DLG3: variants seen among roughly 807,000 people sequenced by gnomAD.
DLG3 encodes the protein discs large MAGUK scaffold protein 3, also known as disks large homolog 3.
In DLG3, 1 loss-of-function variant was observed where a neutral mutation model predicts 64.1. The observed-to-expected ratio is 0.02, with a 90% CI of 0.01 to 0.07. The LOEUF is 0.07. DLG3 is among the 10% of genes least tolerant of loss of function. DLG3 has a pLI of 1.00. For synonymous variants in DLG3, 245 were observed against 259.8 expected (o/e 0.94, Z 0.55); for missense variants, 429 against 669.5 (o/e 0.64, Z 3.96).
In DLG3 at chrX:70,502,421, G is replaced by GT; in HGVS notation, c.*154dup. On this transcript the variant is annotated 3_prime_UTR_variant, in exon 19 of 19. Coordinates refer to ENST00000374360, the MANE Select transcript of DLG3 (RefSeq NM_021120.4). ...AAAAAAAATTAAGTTTTCTAGTCCTGTTCTTTTTTTTTTTTTAAGTTTTTG... is the reference window on the plus strand; with the variant it reads ...AAAAAAAATTAAGTTTTCTAGTCCTGTTTCTTTTTTTTTTTTTAAGTTTTTG... 2 of 418,145 alleles carry GT rather than the reference G, an allele frequency of 4.8e-6. No homozygotes were observed. The highest frequency in any genetic ancestry group is 4.1e-6 in the Non-Finnish European group (1 of 244,648). The allele number at this position is 418,145 out of a possible 1,213,427, so 34.5% of individuals were successfully genotyped here. A position where few individuals can be genotyped will look rare whatever the true frequency, so the allele number is the denominator to read the frequency against.
intron 18 of DLG3, 131 bp downstream of exon 18, chrX:70,501,120 A>T: frequency 1.9e-6 from 1 of 529,983 alleles, no homozygotes; most frequent in Admixed American, 3.2e-5. Flanking sequence ...TAAGTTTTTG[A>T]GCACAAACCT....
At chrX:70,492,438 A>G (rs2087374807) in intron 11 of DLG3, 83 bp from the exon 12 acceptor site, 7 of 1,134,021 alleles carry the variant, frequency 6.2e-6, no homozygotes, top group Non-Finnish European at 8.4e-6. Flanking sequence ...AGTGAGCCAA[A>G]AAAATGGCTG....
chrX:70,501,345 C>T (rs764373852), intron 18 of DLG3, among the ~76,000 whole-genome samples: 8 of 108,557 alleles, frequency 7.4e-5, no homozygotes, highest in South Asian at 4.2e-4. Flanking sequence ...GCTGAATAAA[C>T]GTTTGTTGAT....
rs1602867000 is a variant in DLG3 at position 70,449,967 on chromosome X, C to T, written c.703+108C>T. The stretch of plus-strand genomic sequence containing the variant: ...TGGCCTTACTCCTTGCCTGACTCCC[C>T]CTGTTCCAACTCACAGCCTACTTTT... On this transcript the variant is annotated intron_variant, in intron 4 of 18. Coordinates refer to ENST00000374360, the MANE Select transcript of DLG3 (RefSeq NM_021120.4). 7.8e-6 allele frequency: 8 copies of T among 1,022,926 alleles called. No homozygotes were observed. In the East Asian group the frequency reaches 2.7e-4, roughly 34 times the overall value. 84.3% of individuals were successfully genotyped at this position (1,022,926 alleles called of 1,213,427 possible).
intron 12 of DLG3, among the ~76,000 whole-genome samples, chrX:70,494,626 C>G (rs1374695554): frequency 8.9e-6 from 1 of 112,116 alleles, no homozygotes; most frequent in Non-Finnish European, 1.9e-5. Context: ...AGTCAGAGGC[C>G]TGAGGTGATG....
intron 5 of DLG3, 62 bp from the exon 6 acceptor site, chrX:70,450,577 C>A: frequency 8.4e-7 from 1 of 1,184,447 alleles, no homozygotes; most frequent in Non-Finnish European, 1.1e-6. Context: ...AGGCATCCCT[C>A]GAGTTCCCTG....
In DLG3 at chrX:70,459,930, C is replaced by T. The variant is rs917968917; in HGVS notation, c.1405+5614C>T. On this transcript the variant is annotated intron_variant, in intron 9 of 18. Coordinates refer to ENST00000374360, the MANE Select transcript of DLG3 (RefSeq NM_021120.4). ...CTCCCTACCCAGAGACATCTGGCTA[C>T]AGCAGAAGATATCACTCTGAGACTC... Among the ~76,000 whole-genome samples, 36 of 111,166 alleles carry T rather than the reference C, an allele frequency of 3.2e-4. 1 individual carries two copies. Among genetic ancestry groups the T allele is most frequent in the Admixed American group, 1.9e-4 (2 of 10,390 alleles).
chrX:70,476,254 A>G (rs934741730), intron 9 of DLG3, among the ~76,000 whole-genome samples: 3 of 112,155 alleles, frequency 2.7e-5, no homozygotes, highest in Non-Finnish European at 3.8e-5. Context: ...GGGAAAAAAC[A>G]AAGCAGTTTA....
intron 11 of DLG3, 44 bp from the exon 12 acceptor site, chrX:70,492,477 C>T: frequency 8.5e-7 from 1 of 1,181,560 alleles, no homozygotes; most frequent in South Asian, 1.8e-5. Flanking sequence ...ACTGCTGAGA[C>T]CATTTACTGG....
At position 70,453,606 on chromosome X, in the gene DLG3, A is replaced by G. The variant is rs780612281; in HGVS notation, c.1146-31A>G. The G allele has an allele frequency of 2.0e-5, 24 of 1,204,411 alleles. No homozygotes were observed. In the South Asian group the frequency reaches 4.1e-4, roughly 21 times the overall value. On this transcript the variant is annotated intron_variant, in intron 7 of 18. Transcript: ENST00000374360. ...AAAGGACAACAGTCCATATCTACCTAGTCCTGACTCCTCCACTCCTTTCCC... is the reference window on the plus strand; with the variant it reads ...AAAGGACAACAGTCCATATCTACCTGGTCCTGACTCCTCCACTCCTTTCCC...
intron 10 of DLG3, among the ~76,000 whole-genome samples, chrX:70,489,292 G>T (rs1439493371): frequency 1.8e-5 from 2 of 110,938 alleles, no homozygotes; most frequent in African/African-American, 6.6e-5. Context: ...ATTTTTTTTT[G>T]TTGTTTTATT....
At chrX:70,495,761 C>A (rs934836801) in intron 13 of DLG3, among the ~76,000 whole-genome samples, 3 of 111,990 alleles carry the variant, frequency 2.7e-5, no homozygotes, top group African/African-American at 9.7e-5. Context: ...CCAAGGTAAC[C>A]ACTCAGCTAA....
chrX:70,450,043 G>T, intron 4 of DLG3, 126 bp from the exon 5 acceptor site: 1 of 1,016,051 alleles, frequency 9.8e-7, no homozygotes, highest in Non-Finnish European at 1.3e-6. Context: ...CTTAGCGTTT[G>T]GATCCCCCGG....
chrX:70,476,308 TG>T (rs2087053824), intron 9 of DLG3, among the ~76,000 whole-genome samples: 1 of 111,761 alleles, frequency 8.9e-6, no homozygotes, highest in African/African-American at 3.3e-5. Flanking sequence ...GTGGGCCCTC[TG>T]GGTTAGAGGC....
In DLG3 at chrX:70,454,321, G is replaced by A; in HGVS notation, c.1405+5G>A. On this transcript the variant is annotated splice_donor_5th_base_variant and intron_variant, in intron 9 of 18. Transcript: ENST00000374360. ...TGGCCCAGTACAGACCTGAAGGTAG[G>A]AGAAGGGAAGGTGGGAAGAGATGAT... 1 of 1,197,633 alleles carries A rather than the reference G, an allele frequency of 8.3e-7. No homozygotes were observed. The highest frequency in any genetic ancestry group is 1.1e-6 in the Non-Finnish European group (1 of 883,437).
rs751447328 is a variant in DLG3 at position 70,453,783 on chromosome X, G to A, written c.1292G>A (p.Arg431Gln). Residue 431 changes from arginine to glutamine, a missense_variant, in exon 8 of 19, where the codon CGG (arginine) becomes CAG (glutamine). By Grantham distance (43) the Arg-to-Gln change is conservative. Transcript: ENST00000374360. ...DLSGELRRGD[R>Q]ILSVNGVNLR... ...AGTGGGGAGCTGCGCAGGGGAGACC[G>A]GATCTTATCGGTGAGGAGACAAAGG... is the stretch of plus-strand genomic sequence containing the variant. 8 of 1,190,486 alleles carry A rather than the reference G, an allele frequency of 6.7e-6. No homozygotes were observed. Among genetic ancestry groups the A allele is most frequent in the Non-Finnish European group, 7.9e-6 (7 of 884,509 alleles).
At chrX:70,470,141 T>G (rs2086946346) in intron 9 of DLG3, among the ~76,000 whole-genome samples, 2 of 112,266 alleles carry the variant, frequency 1.8e-5, no homozygotes, top group South Asian at 7.4e-4. Flanking sequence ...TCACTTTATT[T>G]TTATTTGCAT....
At chrX:70,485,805 G>C (rs756933346) in intron 10 of DLG3, among the ~76,000 whole-genome samples, 1 of 111,643 alleles carries the variant, frequency 9.0e-6, no homozygotes, top group East Asian at 2.8e-4. Flanking sequence ...TTTACTTTGA[G>C]CTGGTTATAT....
chrX:70,471,462 T>C (rs2086968855), intron 9 of DLG3, among the ~76,000 whole-genome samples: 1 of 110,055 alleles, frequency 9.1e-6, no homozygotes, highest in Admixed American at 9.7e-5. Context: ...CCTGAGAAGC[T>C]GGGACTACAG....
Sources: gnomAD v4.1 joint callset for allele counts (sites outside exome capture counted in the v4.1 genomes callset) on GRCh38, gnomAD v4.1.1 for gene constraint, MANE v1.5 for transcripts, NCBI Gene and HGNC (gene_info 2026-07-23, HGNC 2026-07-21) for gene names.